CEACAM19: variants seen among roughly 807,000 people sequenced by gnomAD.
CEACAM19 encodes CEA cell adhesion molecule 19.
CEACAM19 carries 37 observed loss-of-function variants against 37.6 expected under a neutral mutation model. The ratio of observed to expected loss-of-function variants is 0.98; its 90% CI spans 0.76 to 1.29. The LOEUF (loss-of-function observed/expected upper bound fraction) is 1.29, where lower values mean the gene tolerates loss of function less well. Among genes scored for constraint, CEACAM19 ranks in the 50% most tolerant of loss-of-function variants. The pLI, the probability that CEACAM19 is intolerant of heterozygous loss-of-function variation, is 0.00. For synonymous variants in CEACAM19, 140 were observed against 149.8 expected (o/e 0.93, Z 0.48); for missense variants, 340 against 375.6 (o/e 0.91, Z 0.78).
intron 4 of CEACAM19, 52 bp from the exon 5 acceptor site, chr19:44,680,236 C>A (rs374506582): frequency 2.8e-5 from 42 of 1,475,792 alleles, no homozygotes; most frequent in African/African-American, 1.8e-4. Context: ...TCTCTCTCCC[C>A]CCGCCTGAGT....
chr19:44,678,802 T>G, intron 3 of CEACAM19, 51 bp from the exon 4 acceptor site: 1 of 1,603,094 alleles, frequency 6.2e-7, no homozygotes, highest in Non-Finnish European at 8.5e-7. Flanking sequence ...TCTCTGATAT[T>G]CTACTGTCAA....
In CEACAM19 at chr19:44,683,489, G is replaced by A; in HGVS notation, c.899G>A (p.Ter300=). 3.8e-6 allele frequency: 6 copies of A among 1,559,292 alleles called. No individual in the cohort carries two copies. The highest frequency in any genetic ancestry group is 1.2e-5 in the South Asian group (1 of 84,610). ...APYCQLVPTS[*] is the part of the protein sequence containing the mutation. Reference sequence around the variant, plus strand: ...TACTGCCAGCTGGTGCCAACTTCCTGATGGGTCCTGGGCCAGGCCAGCCAG... The same window carrying A: ...TACTGCCAGCTGGTGCCAACTTCCTAATGGGTCCTGGGCCAGGCCAGCCAG... Residue 300 remains the stop codon, a stop_retained_variant, in exon 8 of 8, where the codon TGA becomes TAA. Transcript: ENST00000358777.
chr19:44,669,059 A>T (rs1470005801), upstream of CEACAM19, among the ~76,000 whole-genome samples: 4 of 151,480 alleles, frequency 2.6e-5, no homozygotes, highest in Non-Finnish European at 4.4e-5. Flanking sequence ...ACCTCAAGTG[A>T]TCTGCCTGCC....
chr19:44,666,508 A>G (rs1973717069), upstream of CEACAM19, among the ~76,000 whole-genome samples: 1 of 152,204 alleles, frequency 6.6e-6, no homozygotes, highest in Non-Finnish European at 1.5e-5. Context: ...CGTCTCTGCT[A>G]GAAATACAAA....
chr19:44,679,801 A>C (rs1974022236), intron 4 of CEACAM19, among the ~76,000 whole-genome samples: 1 of 150,612 alleles, frequency 6.6e-6, no homozygotes, highest in African/African-American at 2.4e-5. Flanking sequence ...ATGGTGGCAC[A>C]CACCTGTAAT....
intron 3 of CEACAM19, chr19:44,677,636 A>G (rs999120541): frequency 6.6e-6 from 1 of 151,938 alleles, no homozygotes; most frequent in African/African-American, 2.4e-5. Context: ...TGAAAGCAGC[A>G]ATTTTGTCTC....
At position 44,683,507 on chromosome 19, in the gene CEACAM19, C is replaced by A; in HGVS notation, c.*17C>A. Reference sequence around the variant, plus strand: ...ACTTCCTGATGGGTCCTGGGCCAGGCCAGCCAGGGAGAAGACAAGGCCCCA... The same window carrying A: ...ACTTCCTGATGGGTCCTGGGCCAGGACAGCCAGGGAGAAGACAAGGCCCCA... On this transcript the variant is annotated 3_prime_UTR_variant, in exon 8 of 8. Coordinates refer to ENST00000358777, the MANE Select transcript of CEACAM19 (RefSeq NM_001127893.3). The A allele has an allele frequency of 6.6e-7, 1 of 1,514,504 alleles. No homozygotes were observed. Among genetic ancestry groups the A allele is most frequent in the Non-Finnish European group, 8.9e-7 (1 of 1,122,520 alleles). The allele number at this position is 1,514,504 out of a possible 1,614,324, so 93.8% of individuals were successfully genotyped here. A position where few individuals can be genotyped will look rare whatever the true frequency, so the allele number is the denominator to read the frequency against.
chr19:44,682,520 G>C, intron 6 of CEACAM19, 47 bp from the exon 7 acceptor site: 2 of 1,546,270 alleles, frequency 1.3e-6, no homozygotes, highest in Non-Finnish European at 1.8e-6. Flanking sequence ...AAAGTTTAGA[G>C]GGTGGGGGGT....
upstream of CEACAM19, among the ~76,000 whole-genome samples, chr19:44,667,823 ATT>A (rs1568512256): frequency 1.3e-5 from 1 of 75,240 alleles, no homozygotes; most frequent in African/African-American, 5.5e-5. Context: ...TTATATATAA[ATT>A]ATATATTTTA....
upstream of CEACAM19, among the ~76,000 whole-genome samples, chr19:44,668,509 ATTAG>A (rs1313135109): frequency 5.2e-5 from 2 of 38,314 alleles, no homozygotes; most frequent in African/African-American, 9.2e-5. Context: ...TATATTATAT[ATTAG>A]TTATAATATA....
Position 44,671,988 on chromosome 19 carries a change from T to G in CEACAM19, c.55+2T>G, listed in dbSNP as rs751772384. ...TCTCAAAGAGCCTCCTGCTCTCAGG[T>G]AAGGAGGAAATAGACCCTAAAGGCC... On this transcript the variant is annotated splice_donor_variant, in intron 1 of 7. Coordinates refer to ENST00000358777, the MANE Select transcript of CEACAM19 (RefSeq NM_001127893.3). LOFTEE classifies it high-confidence loss of function. The G allele has an allele frequency of 6.2e-7, 1 of 1,602,012 alleles. No individual in the cohort carries two copies. Among genetic ancestry groups the G allele is most frequent in the Non-Finnish European group, 8.5e-7 (1 of 1,173,636 alleles).
chr19:44,683,432 A>G lies in CEACAM19; in HGVS notation c.847-5A>G. The G allele has an allele frequency of 1.3e-6, 2 of 1,534,846 alleles. No homozygotes were observed. The highest frequency in any genetic ancestry group is 1.9e-5 in the Admixed American group (1 of 53,074). On this transcript the variant is annotated splice_region_variant and splice_polypyrimidine_tract_variant and intron_variant, in intron 7 of 7. Transcript: ENST00000358777. ...ATAATTCTGTTCTCTCTTCCCCCCA[A>G]GCAGGACCTGCTAAACCCCGACCCT...
Position 44,676,382 on chromosome 19 carries a change from A to C in CEACAM19, c.536A>C (p.Tyr179Ser), listed in dbSNP as rs777797939. The change falls in exon 3 of 8, where the codon TAT becomes TCT. Residue 179 changes from tyrosine (Y) to serine (S), a missense_variant. By Grantham distance (144) the Tyr-to-Ser change is moderately radical (BLOSUM62 -2). Coordinates refer to ENST00000358777, the MANE Select transcript of CEACAM19 (RefSeq NM_001127893.3). The stretch of plus-strand genomic sequence containing the variant: ...GCCCTTCTCATCAGCTGCATTGCCT[A>C]TCTCCTGGTGACAAGGAACTGGAGG... The part of the protein sequence containing the change: ...AGALLISCIA[Y>S]LLVTRNWRGQ... 3.7e-6 allele frequency: 6 copies of C among 1,613,980 alleles called. No individual in the cohort carries two copies. In the East Asian group the frequency reaches 8.9e-5, roughly 24 times the overall value.
chr19:44,668,639 TTA>T (rs1179877569), upstream of CEACAM19, among the ~76,000 whole-genome samples: 2 of 84,328 alleles, frequency 2.4e-5, no homozygotes, highest in African/African-American at 5.3e-5. Context: ...TATACACATA[TTA>T]TATATGTATA....
At position 44,672,643 on chromosome 19, in the gene CEACAM19, T is replaced by C; in HGVS notation, c.103T>C (p.Tyr35His). 1 of 1,505,456 alleles carries C rather than the reference T, an allele frequency of 6.6e-7. No individual in the cohort carries two copies. Among genetic ancestry groups the C allele is most frequent in the African/African-American group, 1.4e-5 (1 of 71,242 alleles). The allele number at this position is 1,505,456 out of a possible 1,614,324, so 93.3% of individuals were successfully genotyped here. A position where few individuals can be genotyped will look rare whatever the true frequency, so the allele number is the denominator to read the frequency against. ...WMLQGSQAALYIQKIPEQPQK... is the reference protein window; with the variant it reads ...WMLQGSQAALHIQKIPEQPQK... Reference sequence around the variant, plus strand: ...GCTCCAAGGCTCCCAGGCAGCTCTCTACATCCAGAAGATTCCAGAGCAGCC... The same window carrying C: ...GCTCCAAGGCTCCCAGGCAGCTCTCCACATCCAGAAGATTCCAGAGCAGCC... Residue 35 changes from tyrosine to histidine, a missense_variant, in exon 2 of 8, where the codon TAC (tyrosine) becomes CAC (histidine). Coordinates refer to ENST00000358777, the MANE Select transcript of CEACAM19 (RefSeq NM_001127893.3).
intron 4 of CEACAM19, among the ~76,000 whole-genome samples, chr19:44,679,319 T>A (rs1974012106): frequency 6.6e-6 from 1 of 152,162 alleles, no homozygotes; most frequent in Non-Finnish European, 1.5e-5. Flanking sequence ...ATTAAGGGTA[T>A]TCAGGACGGG....
At chr19:44,680,563 T>A (rs111932593) in intron 5 of CEACAM19, among the ~76,000 whole-genome samples, 57 of 151,976 alleles carry the variant, frequency 3.8e-4, no homozygotes, top group Non-Finnish European at 6.9e-4. Flanking sequence ...CATCCCATCA[T>A]GCAAGTGGAT....
upstream of CEACAM19, among the ~76,000 whole-genome samples, chr19:44,668,759 TATATA>T (rs1568513282): frequency 1.1e-5 from 1 of 91,496 alleles, no homozygotes; most frequent in Non-Finnish European, 1.8e-5. Flanking sequence ...TATAATATAA[TATATA>T]TAATATAATA....
At chr19:44,668,603 T>A (rs1484939529), upstream of CEACAM19, among the ~76,000 whole-genome samples, 12 of 58,456 alleles carry the variant, frequency 2.1e-4, no homozygotes, top group South Asian at 4.1e-3. Flanking sequence ...ATACACATAT[T>A]ATATATGTAT....
Sources: allele counts gnomAD v4.1 joint callset (sites outside exome capture counted in the v4.1 genomes callset), GRCh38; gene constraint gnomAD v4.1.1; transcripts MANE v1.5; gene names NCBI Gene and HGNC (gene_info 2026-07-23, HGNC 2026-07-21).